The following ZMYND8 variants were observed in gnomAD, a reference collection of about 807,000 sequenced individuals.
ZMYND8 encodes the protein MYND-type zinc finger-containing chromatin reader ZMYND8.
Under a neutral mutation model 140.8 loss-of-function variants are expected in ZMYND8, and 37 were observed. The ratio of observed to expected loss-of-function variants is 0.26; its 90% CI spans 0.20 to 0.35. The LOEUF (loss-of-function observed/expected upper bound fraction) is 0.35, where lower values mean the gene tolerates loss of function less well. ZMYND8 is among the 10% of genes least tolerant of loss of function. The probability of loss-of-function intolerance (pLI) is 1.00; values close to 1 mark genes in which losing one functional copy is unlikely to be tolerated. For missense variants in ZMYND8, 1,068 were observed against 1,570.0 expected, an observed-to-expected ratio of 0.68 and a Z score of 5.40; for synonymous variants, 592 against 597.1, an observed-to-expected ratio of 0.99 and a Z score of 0.12.
At chr20:47,302,195 G>A (rs1313163344) in intron 3 of ZMYND8, among the ~76,000 whole-genome samples, 2 of 19,540 alleles carry the variant, frequency 1.0e-4, no homozygotes, top group African/African-American at 5.0e-4. Context: ...TTTATGTTTA[G>A]GCCAGGCGTG....
intron 17 of ZMYND8, among the ~76,000 whole-genome samples, chr20:47,227,898 G>A (rs1446627245): frequency 6.6e-6 from 1 of 152,128 alleles, no homozygotes; most frequent in Non-Finnish European, 1.5e-5. Flanking sequence ...TTTAAGGCAA[G>A]CCTAGCCAAC....
intron 12 of ZMYND8, among the ~76,000 whole-genome samples, chr20:47,255,903 A>C (rs1470862023): frequency 6.8e-6 from 1 of 147,766 alleles, no homozygotes; most frequent in Admixed American, 6.8e-5. Context: ...GTGAAACCCT[A>C]TCTCTACTAA....
At chr20:47,327,693 C>A (rs1212894074) in intron 2 of ZMYND8, among the ~76,000 whole-genome samples, 1 of 152,120 alleles carries the variant, frequency 6.6e-6, no homozygotes, top group South Asian at 2.1e-4. Context: ...CCACATAGGG[C>A]CCCCTATTCC....
In ZMYND8 at chr20:47,260,100, T is replaced by C. The variant is rs559559564; in HGVS notation, c.1621+2188A>G. On this transcript the variant is annotated intron_variant, in intron 12 of 22. Coordinates refer to ENST00000471951, the MANE Select transcript of ZMYND8 (RefSeq NM_001281775.3). The stretch of plus-strand genomic sequence containing the variant: ...ACTGACACAATCTAGAAATTCTCTG[T>C]TGGGGGCCCTGTTCTACATTTTGTA... Among the ~76,000 whole-genome samples, 11 of 152,294 alleles carry C rather than the reference T, an allele frequency of 7.2e-5. No homozygotes were observed. In the South Asian group the frequency reaches 2.3e-3, roughly 32 times the overall value.
chr20:47,285,393 C>T (rs141864239), intron 8 of ZMYND8, among the ~76,000 whole-genome samples: 5 of 152,348 alleles, frequency 3.3e-5, no homozygotes, highest in South Asian at 2.1e-4. Flanking sequence ...GAGTGCACCT[C>T]CTGCTTCTAA....
intron 11 of ZMYND8, among the ~76,000 whole-genome samples, chr20:47,268,174 A>G (rs2075668459): frequency 6.6e-6 from 1 of 151,894 alleles, no homozygotes; most frequent in South Asian, 2.1e-4. Context: ...ACAAACAATG[A>G]CGAGGCCGGT....
chr20:47,238,311 A>G, intron 15 of ZMYND8: 1 of 174,322 alleles, frequency 5.7e-6, no homozygotes, highest in Non-Finnish European at 1.2e-5. Flanking sequence ...AAAAGAAAAA[A>G]AGGGGGGAAA....
intron 8 of ZMYND8, 44 bp from the exon 9 acceptor site, chr20:47,283,692 A>G (rs778007274): frequency 3.8e-6 from 6 of 1,577,954 alleles, no homozygotes; most frequent in Non-Finnish European, 5.2e-6. Flanking sequence ...CCAGGGGTGG[A>G]TATCTTGTGG....
chr20:47,335,253 CAAACA>C (rs2081300009), intron 2 of ZMYND8, among the ~76,000 whole-genome samples: 1 of 149,774 alleles, frequency 6.7e-6, no homozygotes, highest in Non-Finnish European at 1.5e-5. Flanking sequence ...CTCAAACAAA[CAAACA>C]AAAAAAAAGG....
chr20:47,282,017 T>C, intron 10 of ZMYND8, 85 bp downstream of exon 10: 1 of 1,084,216 alleles, frequency 9.2e-7, no homozygotes, highest in Non-Finnish European at 1.3e-6. Flanking sequence ...GAATAATAGC[T>C]GCAGCCTCCA....
At chr20:47,348,005 C>T in intron 1 of ZMYND8, 79 bp from the exon 2 acceptor site, 1 of 1,335,804 alleles carries the variant, frequency 7.5e-7, no homozygotes, top group Non-Finnish European at 1.1e-6. Flanking sequence ...GAAGTTCTAG[C>T]AACAAACACA....
chr20:47,338,960 C>A (rs2081603664), intron 2 of ZMYND8, among the ~76,000 whole-genome samples: 1 of 151,432 alleles, frequency 6.6e-6, no homozygotes, highest in Non-Finnish European at 1.5e-5. Context: ...GGCAACCCTA[C>A]ACAATTATTT....
chr20:47,233,312 T>C (rs2147111946), intron 16 of ZMYND8, among the ~76,000 whole-genome samples: 1 of 150,538 alleles, frequency 6.6e-6, no homozygotes, highest in East Asian at 2.0e-4. Context: ...TGGGCTCAAG[T>C]AATCCTCCCA....
chr20:47,303,495 A>G (rs2078235442), intron 3 of ZMYND8, among the ~76,000 whole-genome samples: 1 of 152,178 alleles, frequency 6.6e-6, no homozygotes, highest in Non-Finnish European at 1.5e-5. Context: ...AGGCAGGTGG[A>G]TCACCTCAGG....
chr20:47,227,819 G>C lies in ZMYND8; in HGVS notation c.2938-538C>G, dbSNP rs180971533. Among the ~76,000 whole-genome samples, 613 of 152,306 alleles carry C rather than the reference G, an allele frequency of 4.0e-3. 3 individuals are homozygous for C. The highest frequency in any genetic ancestry group is 0.014 in the African/African-American group (577 of 41,572). On this transcript the variant is annotated intron_variant, in intron 17 of 22. Coordinates refer to ENST00000471951, the MANE Select transcript of ZMYND8 (RefSeq NM_001281775.3). ...TAATTAAACAGTGTTTTGGCCAGGT[G>C]CGGTGGCTCGCGCCTGTAATGCTAG...
At chr20:47,211,814 A>C (rs6063085) in intron 22 of ZMYND8, among the ~76,000 whole-genome samples, 39,514 of 152,078 alleles carry the variant, frequency 0.26, 6,539 homozygotes, top group Non-Finnish European at 0.37. Flanking sequence ...TGGGCCAAGG[A>C]GGGGACCATG....
intron 1 of ZMYND8, chr20:47,352,339 T>C (rs1001618168): frequency 1.7e-6 from 1 of 592,372 alleles, no homozygotes. Context: ...AAAGGCTGTT[T>C]ATAAGCCTGC....
chr20:47,259,440 G>A (rs565995576), intron 12 of ZMYND8, among the ~76,000 whole-genome samples: 2 of 152,124 alleles, frequency 1.3e-5, no homozygotes, highest in Non-Finnish European at 2.9e-5. Context: ...GGGATCCTGG[G>A]CACCCCATGC....
intron 9 of ZMYND8, among the ~76,000 whole-genome samples, chr20:47,282,860 T>A (rs772481247): frequency 2.6e-5 from 4 of 152,184 alleles, no homozygotes; most frequent in African/African-American, 9.7e-5. Flanking sequence ...CACCAATACC[T>A]TCTGTTTTTG....
Sources: allele counts gnomAD v4.1 joint callset (sites outside exome capture counted in the v4.1 genomes callset), GRCh38; gene constraint gnomAD v4.1.1; transcripts MANE v1.5; gene names NCBI Gene and HGNC (gene_info 2026-07-23, HGNC 2026-07-21).